PRR14L: variants seen among roughly 807,000 people sequenced by gnomAD.
PRR14L encodes protein PRR14L.
Under a neutral mutation model 155.0 loss-of-function variants are expected in PRR14L, and 80 were observed. That is an observed-to-expected ratio of 0.52 (90% CI 0.43 to 0.62). PRR14L has a LOEUF of 0.62. Ranked by LOEUF, PRR14L falls within the 20% of genes least tolerant of loss-of-function variation. The pLI is 0.00. For missense variants in PRR14L, 2,469 were observed against 2,548.0 expected (o/e 0.97, Z 0.67); for synonymous variants, 883 against 916.0 (o/e 0.96, Z 0.65).
chr22:31,747,117 CT>C (rs200401118), intron 1 of PRR14L, among the ~76,000 whole-genome samples: 20 of 133,356 alleles, frequency 1.5e-4, no homozygotes, highest in Non-Finnish European at 2.1e-4. Context: ...TCCCAGGAGT[CT>C]TTTTTTTTTG....
At chr22:31,722,529 T>TC (rs2074696506) in intron 3 of PRR14L, among the ~76,000 whole-genome samples, 1 of 150,732 alleles carries the variant, frequency 6.6e-6, no homozygotes. Context: ...ATTCAGTTTT[T>TC]TTTTTTTTTT....
At chr22:31,722,651 T>C (rs2074697339) in intron 3 of PRR14L, among the ~76,000 whole-genome samples, 1 of 151,460 alleles carries the variant, frequency 6.6e-6, no homozygotes, top group African/African-American at 2.4e-5. Flanking sequence ...GCCTCCCAAG[T>C]AGCTGGGACT....
intron 1 of PRR14L, among the ~76,000 whole-genome samples, chr22:31,743,777 G>GGGT (rs2074824444): frequency 6.6e-6 from 1 of 151,568 alleles, no homozygotes; most frequent in South Asian, 2.1e-4. Context: ...ACTCCAGACT[G>GGGT]GGTGACACAG....
chr22:31,745,861 A>ATAT (rs1453985949), intron 1 of PRR14L, among the ~76,000 whole-genome samples: 187 of 132,340 alleles, frequency 1.4e-3, no homozygotes, highest in Middle Eastern at 7.6e-3. Flanking sequence ...AAAAAAAAAA[A>ATAT]ATATATATAT....
rs1182579698 is a variant in PRR14L, at chr22:31,712,652, A to C, written c.5187T>G (p.Asp1729Glu). 6.4e-7 allele frequency: 1 copy of C among 1,551,654 alleles called. No individual in the cohort carries two copies. The highest frequency in any genetic ancestry group is 1.4e-5 in the African/African-American group (1 of 73,072). ...VSFHVKSSSS[D>E]CTTESSRTFP... ...AAGTCCTTGAGGACTCAGTCGTGCA[A>C]TCTGAGCTGGATGATTTCACATGAA... Residue 1729 changes from aspartate (D) to glutamate (E), a missense_variant, in exon 4 of 9, where the codon GAT (aspartate) becomes GAG (glutamate). By Grantham distance (45) the Asp-to-Glu change is conservative. This residue lies in a region of PRR14L where 2,363 missense variants were observed against 2,371.6 expected (regional missense o/e 1.00). Coordinates refer to ENST00000327423, the MANE Select transcript of PRR14L (RefSeq NM_173566.3).
At chr22:31,717,907 C>T (rs1210075574) in intron 3 of PRR14L, among the ~76,000 whole-genome samples, 6 of 151,908 alleles carry the variant, frequency 3.9e-5, no homozygotes, top group African/African-American at 1.5e-4. Flanking sequence ...TTCTAGGTGC[C>T]TGCAACCACC....
intron 5 of PRR14L, 151 bp downstream of exon 5, chr22:31,704,504 A>G (rs1179431734): frequency 1.3e-5 from 6 of 471,322 alleles, no homozygotes; most frequent in East Asian, 1.0e-4. Flanking sequence ...TTTCAATCTC[A>G]GAAATGTTTA....
chr22:31,716,025 T>C lies in PRR14L; in HGVS notation c.1814A>G (p.Tyr605Cys). 1 of 1,550,768 alleles carries C rather than the reference T, an allele frequency of 6.4e-7. No homozygotes were observed. Among genetic ancestry groups the C allele is most frequent in the Non-Finnish European group, 8.7e-7 (1 of 1,146,894 alleles). Residue 605 changes from tyrosine to cysteine, a missense_variant, in exon 4 of 9, where the codon TAC (tyrosine) becomes TGC (cysteine). Transcript: ENST00000327423. The part of the protein sequence containing the change: ...ALLLPSPEFD[Y>C]RPESEKVIQT... ...TATAACTTTTTCTGACTCAGGTCTG[T>C]AATCAAATTCTGGGGATGGTAGCAA...
At chr22:31,739,178 C>T (rs552003036) in intron 1 of PRR14L, among the ~76,000 whole-genome samples, 3 of 152,226 alleles carry the variant, frequency 2.0e-5, no homozygotes, top group African/African-American at 7.2e-5. Flanking sequence ...AAGGGCCTGC[C>T]AATGTAGAAG....
intron 7 of PRR14L, 135 bp downstream of exon 7, chr22:31,701,521 T>C: frequency 1.8e-6 from 1 of 568,160 alleles, no homozygotes; most frequent in South Asian, 2.5e-5. Context: ...GCGACATTAC[T>C]AATTAATTCT....
rs1360427030 is a variant in PRR14L, at chr22:31,725,609, T to A, written c.476A>T (p.Glu159Val). 3.9e-6 allele frequency: 6 copies of A among 1,546,700 alleles called. No individual in the cohort carries two copies. The highest frequency in any genetic ancestry group is 5.3e-6 in the Non-Finnish European group (6 of 1,142,622). Residue 159 changes from glutamate (E) to valine (V), a missense_variant and splice_region_variant, in exon 3 of 9, where the codon GAG (glutamate) becomes GTG (valine). Glu to Val is a moderately radical substitution (Grantham distance 121, BLOSUM62 -2). Around this residue, in one of 2 missense-constraint regions of PRR14L, gnomAD observed 2,363 missense variants for 2,371.6 expected, o/e 1.00. Transcript: ENST00000327423. Reference protein sequence around the residue: ...AAEEKTSPSQEDLLMQSSKEL... With the variant: ...AAEEKTSPSQVDLLMQSSKEL... The stretch of plus-strand genomic sequence containing the variant: ...TTTGCTGGACTGCATCAGGAGATCC[T>A]CCTACAGTAAGAAAATCCAGTGGTC...
chr22:31,685,863 C>T (rs1054924820), intron 8 of PRR14L, 60 bp from the exon 9 acceptor site: 4 of 1,488,542 alleles, frequency 2.7e-6, no homozygotes, highest in African/African-American at 1.4e-5. Flanking sequence ...ATCCTGTCAA[C>T]AGGGTCAGGA....
In PRR14L at chr22:31,703,608, A is replaced by C; in HGVS notation, c.5942T>G (p.Leu1981Arg). Residue 1981 changes from leucine (L) to arginine (R), a missense_variant, in exon 6 of 9, where the codon CTG becomes CGG. Physicochemically the swap from Leu to Arg is moderately radical, Grantham distance 102. Coordinates refer to ENST00000327423, the MANE Select transcript of PRR14L (RefSeq NM_173566.3). Reference sequence around the variant, plus strand: ...GGGGCATGCTGCTTTCACACCATCCAGCTCATCCAATCCACGAACCTGGAA... The same window carrying C: ...GGGGCATGCTGCTTTCACACCATCCCGCTCATCCAATCCACGAACCTGGAA... ...SEFQVRGLDE[L>R]DGVKAACPCP... The C allele has an allele frequency of 1.2e-6, 2 of 1,614,002 alleles. No individual in the cohort carries two copies. The highest frequency in any genetic ancestry group is 1.7e-6 in the Non-Finnish European group (2 of 1,179,944).
chr22:31,729,615 G>A (rs755532146), intron 2 of PRR14L, among the ~76,000 whole-genome samples: 12 of 152,144 alleles, frequency 7.9e-5, no homozygotes, highest in Non-Finnish European at 1.3e-4. Flanking sequence ...TTTGTTTCAT[G>A]ATTGGAATAT....
chr22:31,750,091 A>T lies in PRR14L; in HGVS notation c.-150T>A, dbSNP rs2074865824. Reference sequence around the variant, plus strand: ...GTCTACCTGAGCCTACGGAGCCGACAGAGGCCGGGGGCGCTCCGGCCGCCG... The same window carrying T: ...GTCTACCTGAGCCTACGGAGCCGACTGAGGCCGGGGGCGCTCCGGCCGCCG... On this transcript the variant is annotated 5_prime_UTR_variant, in exon 1 of 9. Coordinates refer to ENST00000327423, the MANE Select transcript of PRR14L (RefSeq NM_173566.3). 1 of 152,544 alleles carries T rather than the reference A, an allele frequency of 6.6e-6. No individual in the cohort carries two copies. The highest frequency in any genetic ancestry group is 1.5e-5 in the Non-Finnish European group (1 of 68,312). 9.4% of individuals were successfully genotyped at this position (152,544 alleles called of 1,614,324 possible). A position where few individuals can be genotyped will look rare whatever the true frequency, so the allele number is the denominator to read the frequency against.
In PRR14L at chr22:31,713,374, G is replaced by C; in HGVS notation, c.4465C>G (p.Leu1489Val). The C allele has an allele frequency of 6.4e-7, 1 of 1,552,082 alleles. No homozygotes were observed. Among genetic ancestry groups the C allele is most frequent in the Non-Finnish European group, 8.7e-7 (1 of 1,147,062 alleles). Residue 1489 changes from leucine to valine, a missense_variant, in exon 4 of 9, where the codon CTT becomes GTT. Physicochemically the swap from Leu to Val is conservative, Grantham distance 32. Around this residue, in one of 2 missense-constraint regions of PRR14L, gnomAD observed 2,363 missense variants for 2,371.6 expected, o/e 1.00. Transcript: ENST00000327423. ...TCTTGTGCTTTCCGAGGGGCACCAA[G>C]AAGGCAAGGACTTGTGCATGACTCA... Reference protein sequence around the residue: ...DTESCTSPCLLGAPRKAQDPS... With the variant: ...DTESCTSPCLVGAPRKAQDPS...
chr22:31,743,054 C>T (rs1300339736), intron 1 of PRR14L, among the ~76,000 whole-genome samples: 3 of 152,090 alleles, frequency 2.0e-5, no homozygotes, highest in Non-Finnish European at 2.9e-5. Context: ...GGGAGGATCA[C>T]GCCCATGGGA....
At chr22:31,707,246 G>A (rs576685140) in intron 4 of PRR14L, among the ~76,000 whole-genome samples, 19 of 152,198 alleles carry the variant, frequency 1.2e-4, no homozygotes, top group Non-Finnish European at 2.1e-4. Flanking sequence ...TTCAACACCA[G>A]GAAACAGAAA....
Position 31,712,844 on chromosome 22 carries a change from G to A in PRR14L, c.4995C>T (p.Ser1665=). The A allele has an allele frequency of 1.3e-6, 2 of 1,552,032 alleles. No homozygotes were observed. Among genetic ancestry groups the A allele is most frequent in the Non-Finnish European group, 8.7e-7 (1 of 1,147,078 alleles). ...AATATGGATTCAGCTGCTCTGTGCT[G>A]GATGAAAATCCGTCCAGGAGTCTTT... ...RYKRLLDGFS[S]STEQLNPYLA... The change falls in exon 4 of 9, where the codon TCC becomes TCT. Residue 1665 remains serine, a synonymous_variant. Coordinates refer to ENST00000327423, the MANE Select transcript of PRR14L (RefSeq NM_173566.3).
Sources: gnomAD v4.1 joint callset for allele counts (sites outside exome capture counted in the v4.1 genomes callset) on GRCh38, gnomAD v4.1.1 for gene constraint, gnomAD v4.1.1 regional missense constraint, MANE v1.5 for transcripts, NCBI Gene and HGNC (gene_info 2026-07-23, HGNC 2026-07-21) for gene names.